SGCZ: variants seen among roughly 807,000 people sequenced by gnomAD.
The protein encoded by SGCZ is zeta-sarcoglycan.
In SGCZ, 40 loss-of-function variants were observed where a neutral mutation model predicts 41.3. That is an observed-to-expected ratio of 0.97 (90% CI 0.75 to 1.26). SGCZ has a LOEUF of 1.26. Ranked by LOEUF, SGCZ falls within the 50% of genes most tolerant of loss-of-function variation. The pLI is 0.00. For missense variants in SGCZ, 552 were observed against 369.8 expected (o/e 1.49, Z -4.04); for synonymous variants, 206 against 137.5 (o/e 1.50, Z -3.49).
chr8:14,363,575 T>C (rs1202075109), intron 2 of SGCZ, among the ~76,000 whole-genome samples: 1 of 152,116 alleles, frequency 6.6e-6, no homozygotes, highest in Non-Finnish European at 1.5e-5. Flanking sequence ...CTTTTAACAA[T>C]ATAAATGGTC....
At chr8:14,680,383 C>G (rs60496793) in intron 1 of SGCZ, among the ~76,000 whole-genome samples, 4,019 of 152,150 alleles carry the variant, frequency 0.026, 72 homozygotes, top group South Asian at 0.084. Flanking sequence ...TATAGGTTAA[C>G]CAGCTGTAAA....
chr8:14,322,125 T>C (rs909709985), intron 3 of SGCZ, among the ~76,000 whole-genome samples: 2 of 152,144 alleles, frequency 1.3e-5, no homozygotes, highest in Non-Finnish European at 2.9e-5. Flanking sequence ...TCTGGAGATT[T>C]CGTTCATGTT....
intron 3 of SGCZ, among the ~76,000 whole-genome samples, chr8:14,270,505 T>C (rs1800020512): frequency 6.6e-6 from 1 of 152,282 alleles, no homozygotes; most frequent in Non-Finnish European, 1.5e-5. Context: ...TGGCCCAAGC[T>C]TCAGGCTAAA....
intron 1 of SGCZ, among the ~76,000 whole-genome samples, chr8:15,049,714 C>T (rs986604686): frequency 5.3e-5 from 8 of 152,052 alleles, no homozygotes; most frequent in African/African-American, 1.9e-4. Context: ...CAAACCTCAC[C>T]TTGTATTGTA....
chr8:14,131,039 G>A (rs1585162665), intron 5 of SGCZ, among the ~76,000 whole-genome samples: 1 of 152,136 alleles, frequency 6.6e-6, no homozygotes, highest in African/African-American at 2.4e-5. Context: ...ACCTAACCAC[G>A]AATAGGGAGA....
chr8:14,640,456 T>C (rs1585146497), intron 1 of SGCZ, among the ~76,000 whole-genome samples: 1 of 151,926 alleles, frequency 6.6e-6, no homozygotes, highest in South Asian at 2.1e-4. Context: ...CCTTTTCTGC[T>C]GCATTTGCTC....
chr8:14,368,654 G>A (rs1261023965), intron 2 of SGCZ, among the ~76,000 whole-genome samples: 1 of 151,614 alleles, frequency 6.6e-6, no homozygotes, highest in East Asian at 1.9e-4. Context: ...CAGTAAACCA[G>A]TGAATAATAA....
intron 1 of SGCZ, among the ~76,000 whole-genome samples, chr8:15,217,811 G>A (rs1169207816): frequency 6.6e-6 from 1 of 152,216 alleles, no homozygotes; most frequent in Non-Finnish European, 1.5e-5. Flanking sequence ...GGCTCTGGCT[G>A]TGCGTGGCAT....
chr8:14,255,527 C>A (rs1187702330), intron 3 of SGCZ, among the ~76,000 whole-genome samples: 1 of 151,764 alleles, frequency 6.6e-6, no homozygotes, highest in Non-Finnish European at 1.5e-5. Context: ...GATAAAAAGA[C>A]AATTACATTA....
chr8:15,109,440 G>A (rs985895613), intron 1 of SGCZ, among the ~76,000 whole-genome samples: 1 of 152,130 alleles, frequency 6.6e-6, no homozygotes, highest in Middle Eastern at 3.4e-3. Flanking sequence ...ATGTTTATAC[G>A]AGAAATGATC....
In SGCZ at chr8:14,285,678, A is replaced by G. The variant is rs146194122; in HGVS notation, c.336+38425T>C. On this transcript the variant is annotated intron_variant, in intron 3 of 7. Transcript: ENST00000382080. Reference sequence around the variant, plus strand: ...GAAACAAAGAAGTCCTGACTATCCCAAGAATAGTGGATAGTTGTACAGAAA... The same window carrying G: ...GAAACAAAGAAGTCCTGACTATCCCGAGAATAGTGGATAGTTGTACAGAAA... 7.9e-4 allele frequency among the ~76,000 whole-genome samples: 120 copies of G among 152,252 alleles called. 1 individual carries two copies. In the East Asian group the frequency reaches 0.021, roughly 26 times the overall value.
chr8:14,359,290 C>G (rs1349739585), intron 2 of SGCZ, among the ~76,000 whole-genome samples: 3 of 152,132 alleles, frequency 2.0e-5, no homozygotes, highest in Non-Finnish European at 4.4e-5. Context: ...CGGTTGACTT[C>G]AACACCCTGT....
At chr8:14,411,274 G>T (rs949116494) in intron 2 of SGCZ, among the ~76,000 whole-genome samples, 2 of 151,968 alleles carry the variant, frequency 1.3e-5, no homozygotes, top group African/African-American at 2.4e-5. Context: ...TTCTATTTGT[G>T]CTCTTAACAA....
intron 2 of SGCZ, among the ~76,000 whole-genome samples, chr8:14,481,475 A>G (rs1021843520): frequency 6.6e-6 from 1 of 152,176 alleles, no homozygotes; most frequent in Non-Finnish European, 1.5e-5. Flanking sequence ...TAATAGTAAA[A>G]AATAATTTTT....
intron 1 of SGCZ, among the ~76,000 whole-genome samples, chr8:14,656,811 C>A (rs982066502): frequency 2.0e-5 from 3 of 151,794 alleles, no homozygotes; most frequent in Admixed American, 2.0e-4. Flanking sequence ...GTATACTAAG[C>A]CTTTAAATGG....
chr8:14,180,304 G>C (rs775141701), intron 4 of SGCZ, among the ~76,000 whole-genome samples: 1 of 152,174 alleles, frequency 6.6e-6, no homozygotes, highest in Non-Finnish European at 1.5e-5. Flanking sequence ...TAACAAAGGA[G>C]TGTCCTGATC....
intron 2 of SGCZ, among the ~76,000 whole-genome samples, chr8:14,440,852 TACACAC>T (rs761003537): frequency 1.0e-4 from 13 of 130,434 alleles, no homozygotes; most frequent in East Asian, 4.1e-4. Context: ...TACATATATG[TACACAC>T]ACACACACAC....
intron 1 of SGCZ, among the ~76,000 whole-genome samples, chr8:14,626,305 T>A (rs891475069): frequency 6.6e-6 from 1 of 152,022 alleles, no homozygotes; most frequent in African/African-American, 2.4e-5. Context: ...ACGCTATCCC[T>A]CCCCCAACCC....
chr8:14,827,231 C>G (rs1442076372), intron 1 of SGCZ, among the ~76,000 whole-genome samples: 3 of 139,066 alleles, frequency 2.2e-5, no homozygotes, highest in African/African-American at 8.0e-5. Context: ...ATTTTCTTTT[C>G]TTTTCTTTTT....
Sources: allele counts gnomAD v4.1 joint callset (sites outside exome capture counted in the v4.1 genomes callset), GRCh38; gene constraint gnomAD v4.1.1; transcripts MANE v1.5; gene names NCBI Gene and HGNC (gene_info 2026-07-23, HGNC 2026-07-21).